Variants in HERPUD2 observed in about 807,000 individuals in gnomAD.
The protein encoded by HERPUD2 is homocysteine-responsive endoplasmic reticulum-resident ubiquitin-like domain member 2 protein.
A neutral mutation model predicts 49.9 loss-of-function variants in HERPUD2; 13 were observed. The ratio of observed to expected loss-of-function variants is 0.26; its 90% CI spans 0.17 to 0.41. The LOEUF (loss-of-function observed/expected upper bound fraction) is 0.41. Among genes scored for constraint, HERPUD2 ranks in the 10% least tolerant of loss-of-function variants. The pLI is 1.00. For missense variants in HERPUD2, 449 were observed against 492.2 expected, an observed-to-expected ratio of 0.91 and a Z score of 0.83; for synonymous variants, 172 against 171.4, an observed-to-expected ratio of 1.00 and a Z score of -0.03.
At chr7:35,663,394 G>A (rs12530868) in intron 5 of HERPUD2, among the ~76,000 whole-genome samples, 5 of 152,114 alleles carry the variant, frequency 3.3e-5, no homozygotes, top group African/African-American at 7.2e-5. Context: ...TTGGAGTGGA[G>A]AGTTCTGCAG....
chr7:35,686,100 G>A (rs1786036877), intron 2 of HERPUD2, among the ~76,000 whole-genome samples: 1 of 152,122 alleles, frequency 6.6e-6, no homozygotes, highest in Admixed American at 6.5e-5. Context: ...AGGAAAAGCA[G>A]AGACTTTGAG....
intron 5 of HERPUD2, among the ~76,000 whole-genome samples, chr7:35,655,975 T>G (rs918070306): frequency 6.6e-6 from 1 of 151,912 alleles, no homozygotes; most frequent in African/African-American, 2.4e-5. Context: ...AGCCTGGCCA[T>G]AATGGTGAAA....
At chr7:35,673,912 T>C (rs925395499) in intron 2 of HERPUD2, among the ~76,000 whole-genome samples, 1 of 152,184 alleles carries the variant, frequency 6.6e-6, no homozygotes, top group African/African-American at 2.4e-5. Context: ...CACAAGTGCA[T>C]GGAGAGTCAG....
At chr7:35,670,717 A>C (rs1488652919) in intron 3 of HERPUD2, among the ~76,000 whole-genome samples, 3 of 152,138 alleles carry the variant, frequency 2.0e-5, no homozygotes, top group African/African-American at 4.8e-5. Flanking sequence ...CTATAAAATA[A>C]ACTCAAATAA....
At position 35,694,376 on chromosome 7, in the gene HERPUD2, C is replaced by A. The variant is rs1304763700; in HGVS notation, c.-46G>T. 1 of 1,610,830 alleles carries A rather than the reference C, an allele frequency of 6.2e-7. No homozygotes were observed. Among genetic ancestry groups the A allele is most frequent in the Non-Finnish European group, 8.5e-7 (1 of 1,177,522 alleles). ...GAGTCCAGAGGAGCGGCAGTTAAGC[C>A]CAAAAGAGCCGAGATGGTCACCGCC... is the stretch of plus-strand genomic sequence containing the variant. On this transcript the variant is annotated 5_prime_UTR_variant, in exon 2 of 9. Coordinates refer to ENST00000311350, the MANE Select transcript of HERPUD2 (RefSeq NM_022373.5).
At chr7:35,667,631 T>A (rs1319282880) in intron 4 of HERPUD2, 43 bp from the exon 5 acceptor site, 1 of 1,487,498 alleles carries the variant, frequency 6.7e-7, no homozygotes, top group Non-Finnish European at 9.3e-7. Flanking sequence ...TTTAGTTCTT[T>A]ACAATCATAA....
At chr7:35,652,991 A>T (rs148359407) in intron 5 of HERPUD2, among the ~76,000 whole-genome samples, 103 of 152,246 alleles carry the variant, frequency 6.8e-4, no homozygotes, top group African/African-American at 2.3e-3. Flanking sequence ...ACCAACCACA[A>T]TGAAAAACAA....
intron 2 of HERPUD2, among the ~76,000 whole-genome samples, chr7:35,684,760 G>C (rs896376457): frequency 3.3e-5 from 5 of 152,148 alleles, no homozygotes; most frequent in Non-Finnish European, 7.4e-5. Flanking sequence ...GGTGAGAAGG[G>C]GGTGAGGGAT....
intron 3 of HERPUD2, among the ~76,000 whole-genome samples, chr7:35,670,966 A>C (rs1785631159): frequency 6.6e-6 from 1 of 152,088 alleles, no homozygotes; most frequent in South Asian, 2.1e-4. Context: ...ATATTTATTT[A>C]TACTTAGACA....
chr7:35,648,595 G>A (rs535882617), intron 5 of HERPUD2, among the ~76,000 whole-genome samples: 2 of 152,288 alleles, frequency 1.3e-5, no homozygotes, highest in African/African-American at 4.8e-5. Flanking sequence ...TGTTGAGAGT[G>A]GCCATGTGAT....
At chr7:35,659,298 T>C (rs1430013381) in intron 5 of HERPUD2, among the ~76,000 whole-genome samples, 2 of 152,192 alleles carry the variant, frequency 1.3e-5, no homozygotes, top group Admixed American at 6.5e-5. Context: ...ATAACCTAAT[T>C]ACTGAACCGT....
chr7:35,640,829 ATT>A (rs1283745978), intron 5 of HERPUD2, among the ~76,000 whole-genome samples: 6 of 152,202 alleles, frequency 3.9e-5, no homozygotes, highest in Admixed American at 1.3e-4. Context: ...GAGAACTGTT[ATT>A]TAATGCTAGG....
chr7:35,660,772 A>G (rs1785399613), intron 5 of HERPUD2, among the ~76,000 whole-genome samples: 1 of 152,136 alleles, frequency 6.6e-6, no homozygotes, highest in Admixed American at 6.5e-5. Context: ...TAGATTCTGG[A>G]TATTAGCCCT....
intron 2 of HERPUD2, among the ~76,000 whole-genome samples, chr7:35,677,746 A>T (rs1158516492): frequency 1.3e-5 from 2 of 152,208 alleles, no homozygotes; most frequent in African/African-American, 4.8e-5. Flanking sequence ...TTCAGTAGAA[A>T]GGAAAAAACT....
intron 2 of HERPUD2, among the ~76,000 whole-genome samples, chr7:35,680,164 T>C (rs1228174486): frequency 6.6e-6 from 1 of 152,180 alleles, no homozygotes; most frequent in African/African-American, 2.4e-5. Context: ...CCCAGCACTT[T>C]GGGAGGCTGA....
chr7:35,661,620 T>C (rs1043931261), intron 5 of HERPUD2, among the ~76,000 whole-genome samples: 1 of 152,230 alleles, frequency 6.6e-6, no homozygotes, highest in Non-Finnish European at 1.5e-5. Flanking sequence ...CTAGGTATTT[T>C]ATTCTCTTTG....
intron 2 of HERPUD2, among the ~76,000 whole-genome samples, chr7:35,683,918 G>A (rs1785971317): frequency 6.6e-6 from 1 of 152,178 alleles, no homozygotes; most frequent in African/African-American, 2.4e-5. Context: ...ATAGATGTTG[G>A]CGTGGCAGCG....
At chr7:35,693,862 T>A (rs1786249982) in intron 2 of HERPUD2, among the ~76,000 whole-genome samples, 1 of 152,330 alleles carries the variant, frequency 6.6e-6, no homozygotes, top group East Asian at 1.9e-4. Context: ...GGTCTCGAAC[T>A]CCTGACCTCG....
chr7:35,679,814 C>A (rs1157361277), intron 2 of HERPUD2, among the ~76,000 whole-genome samples: 2 of 152,138 alleles, frequency 1.3e-5, no homozygotes, highest in African/African-American at 4.8e-5. Flanking sequence ...ATTCCCAATT[C>A]CCTAAATCCT....
Sources: gnomAD v4.1 joint callset for allele counts (sites outside exome capture counted in the v4.1 genomes callset) on GRCh38, gnomAD v4.1.1 for gene constraint, MANE v1.5 for transcripts, NCBI Gene and HGNC (gene_info 2026-07-23, HGNC 2026-07-21) for gene names.